Variants in DSCAM observed in about 807,000 individuals in gnomAD.
DSCAM encodes the protein DS cell adhesion molecule, also known as cell adhesion molecule DSCAM.
Under a neutral mutation model 217.7 loss-of-function variants are expected in DSCAM, and 47 were observed. The ratio of observed to expected loss-of-function variants is 0.22; its 90% CI spans 0.17 to 0.28. The LOEUF is 0.28. DSCAM is among the 10% of genes least tolerant of loss of function. The pLI, the probability that DSCAM is intolerant of heterozygous loss-of-function variation, is 1.00. For missense variants in DSCAM, 2,080 were observed against 2,618.3 expected (o/e 0.79, Z 4.49); for synonymous variants, 1,056 against 1,015.3 (o/e 1.04, Z -0.76).
In DSCAM at chr21:40,012,981, T is replaced by G. The variant is rs892002398; in HGVS notation, c.*53A>C. 1.0e-5 allele frequency: 13 copies of G among 1,251,320 alleles called. No homozygotes were observed. In the African/African-American group the frequency reaches 1.8e-4, roughly 18 times the overall value. 77.5% of individuals were successfully genotyped at this position (1,251,320 alleles called of 1,614,324 possible). ...GGAATTCCGTAAAAAAAAGGTAGCT[T>G]TGATTGAATTGTTTGAATTGTATTT... On this transcript the variant is annotated 3_prime_UTR_variant, in exon 33 of 33. Coordinates refer to ENST00000400454, the MANE Select transcript of DSCAM (RefSeq NM_001389.5).
At chr21:40,563,344 T>A (rs1466939136) in intron 3 of DSCAM, among the ~76,000 whole-genome samples, 1 of 151,662 alleles carries the variant, frequency 6.6e-6, no homozygotes, top group African/African-American at 2.4e-5. Flanking sequence ...GCAGAAATAC[T>A]ACCTATATTT....
At chr21:40,455,264 T>C (rs796134233) in intron 3 of DSCAM, among the ~76,000 whole-genome samples, 11 of 152,114 alleles carry the variant, frequency 7.2e-5, no homozygotes, top group African/African-American at 2.7e-4. Context: ...GAACGAAATG[T>C]ATGGTCATGA....
At chr21:40,449,459 A>G (rs1187816991) in intron 3 of DSCAM, among the ~76,000 whole-genome samples, 1 of 152,218 alleles carries the variant, frequency 6.6e-6, no homozygotes, top group Non-Finnish European at 1.5e-5. Flanking sequence ...CTCAGAAATG[A>G]AAGATGAAAA....
Position 40,821,397 on chromosome 21 carries a change from A to G in DSCAM, c.43+25222T>C, listed in dbSNP as rs909974338. ...CACACACACAGACACACGCGCGCAC[A>G]CACACACACACACACACACACCCCA... On this transcript the variant is annotated intron_variant, in intron 1 of 32. Transcript: ENST00000400454. 1.1e-4 allele frequency among the ~76,000 whole-genome samples: 16 copies of G among 151,030 alleles called. 1 individual carries two copies. The highest frequency in any genetic ancestry group is 6.8e-3 in the Middle Eastern group (2 of 294).
intron 15 of DSCAM, among the ~76,000 whole-genome samples, chr21:40,172,526 C>T (rs1336143633): frequency 1.3e-5 from 2 of 152,248 alleles, no homozygotes; most frequent in Non-Finnish European, 1.5e-5. Context: ...TTCTGTCCCT[C>T]CCCAGCTGGA....
intron 11 of DSCAM, among the ~76,000 whole-genome samples, chr21:40,218,722 G>T (rs924586737): frequency 6.6e-6 from 1 of 151,888 alleles, no homozygotes; most frequent in Admixed American, 6.6e-5. Context: ...TGGTTAGCTG[G>T]TATTTTTAGA....
intron 3 of DSCAM, among the ~76,000 whole-genome samples, chr21:40,682,899 A>G (rs547411746): frequency 6.6e-6 from 1 of 151,854 alleles, no homozygotes; most frequent in South Asian, 2.1e-4. Flanking sequence ...GAAATACAGT[A>G]ATTACTAAGA....
At chr21:40,154,927 G>A (rs1056603537) in intron 16 of DSCAM, among the ~76,000 whole-genome samples, 2 of 152,174 alleles carry the variant, frequency 1.3e-5, no homozygotes, top group Non-Finnish European at 2.9e-5. Context: ...CAAGGTATAT[G>A]TGGGCTTTGC....
At chr21:40,579,113 AG>A (rs2076881826) in intron 3 of DSCAM, among the ~76,000 whole-genome samples, 1 of 152,212 alleles carries the variant, frequency 6.6e-6, no homozygotes. Flanking sequence ...ACATAACCAA[AG>A]GGGAACAATT....
At chr21:40,555,494 T>TA (rs555978337) in intron 3 of DSCAM, among the ~76,000 whole-genome samples, 87 of 152,298 alleles carry the variant, frequency 5.7e-4, no homozygotes, top group African/African-American at 2.0e-3. Context: ...GATGCCAAAA[T>TA]AAGAATCAGA....
chr21:40,721,110 A>T (rs1049307879), intron 1 of DSCAM, among the ~76,000 whole-genome samples: 3 of 152,218 alleles, frequency 2.0e-5, no homozygotes, highest in African/African-American at 4.8e-5. Context: ...AATGTATCAC[A>T]CAGCTGCAGG....
intron 3 of DSCAM, among the ~76,000 whole-genome samples, chr21:40,424,187 G>C (rs900590177): frequency 6.6e-6 from 1 of 152,170 alleles, no homozygotes; most frequent in African/African-American, 2.4e-5. Flanking sequence ...TTCTAATTTA[G>C]AAGTCATGGG....
intron 16 of DSCAM, among the ~76,000 whole-genome samples, chr21:40,153,286 A>T (rs2090443319): frequency 6.6e-6 from 1 of 152,242 alleles, no homozygotes; most frequent in East Asian, 1.9e-4. Context: ...ATCAGTGCTC[A>T]GAATACTGCC....
At chr21:40,234,781 A>G (rs984633568) in intron 11 of DSCAM, among the ~76,000 whole-genome samples, 1 of 152,088 alleles carries the variant, frequency 6.6e-6, no homozygotes, top group Non-Finnish European at 1.5e-5. Context: ...ATAGAACTTC[A>G]TGTACCCTGA....
chr21:40,827,609 G>A (rs1282903899), intron 1 of DSCAM, among the ~76,000 whole-genome samples: 2 of 151,922 alleles, frequency 1.3e-5, no homozygotes, highest in African/African-American at 4.8e-5. Context: ...GTTCAACAGA[G>A]ACTGAAAGAT....
At chr21:40,079,082 T>C in intron 25 of DSCAM, 105 bp from the exon 26 acceptor site, 1 of 1,324,738 alleles carries the variant, frequency 7.5e-7, no homozygotes, top group Non-Finnish European at 1.0e-6. Context: ...GGCCAGGAGC[T>C]CAGTCCAAGT....
chr21:40,579,583 A>G (rs2076886776), intron 3 of DSCAM, among the ~76,000 whole-genome samples: 1 of 152,186 alleles, frequency 6.6e-6, no homozygotes, highest in African/African-American at 2.4e-5. Context: ...AAAGAAACCC[A>G]TGTCTTGCCT....
chr21:40,079,701 G>T (rs1453760506), intron 25 of DSCAM, among the ~76,000 whole-genome samples: 1 of 151,676 alleles, frequency 6.6e-6, no homozygotes, highest in East Asian at 1.9e-4. Context: ...TCATCTCCTT[G>T]AAAGTCCACA....
chr21:40,355,885 A>G (rs2074686947), intron 4 of DSCAM, among the ~76,000 whole-genome samples: 1 of 152,238 alleles, frequency 6.6e-6, no homozygotes, highest in Non-Finnish European at 1.5e-5. Context: ...GAGAAAAGAC[A>G]GTGTTTGTCT....
Sources: allele counts gnomAD v4.1 joint callset (sites outside exome capture counted in the v4.1 genomes callset), GRCh38; gene constraint gnomAD v4.1.1; transcripts MANE v1.5; gene names NCBI Gene and HGNC (gene_info 2026-07-23, HGNC 2026-07-21).